The following DLGAP4 variants were observed in gnomAD, a reference collection of about 807,000 sequenced individuals.
The protein encoded by DLGAP4 is DLG associated protein 4.
In DLGAP4, 18 loss-of-function variants were observed where a neutral mutation model predicts 86.9. The ratio of observed to expected loss-of-function variants is 0.21; its 90% CI spans 0.14 to 0.31. DLGAP4 has a LOEUF of 0.31. Among genes scored for constraint, DLGAP4 ranks in the 10% least tolerant of loss-of-function variants. The pLI is 1.00. For synonymous variants in DLGAP4, 548 were observed against 574.3 expected, an observed-to-expected ratio of 0.95 and a Z score of 0.65; for missense variants, 1,085 against 1,362.6, an observed-to-expected ratio of 0.80 and a Z score of 3.21.
At chr20:36,426,825 A>G (rs555483336) in intron 2 of DLGAP4, among the ~76,000 whole-genome samples, 23 of 152,230 alleles carry the variant, frequency 1.5e-4, no homozygotes, top group Admixed American at 1.2e-3. Context: ...AGAAGCTGGG[A>G]AAAGGGGAAA....
intron 7 of DLGAP4, among the ~76,000 whole-genome samples, chr20:36,489,810 C>A (rs2035580318): frequency 6.6e-6 from 1 of 151,614 alleles, no homozygotes; most frequent in Non-Finnish European, 1.5e-5. Flanking sequence ...GCTGCCAGTC[C>A]CTCTTGCTGG....
At chr20:36,526,134 C>A in intron 12 of DLGAP4, 128 bp downstream of exon 12, 1 of 1,366,548 alleles carries the variant, frequency 7.3e-7, no homozygotes, top group Non-Finnish European at 1.0e-6. Flanking sequence ...GGTCTCACAT[C>A]CATCACTGCG....
chr20:36,464,745 G>A (rs2034263286), intron 7 of DLGAP4, among the ~76,000 whole-genome samples: 1 of 152,146 alleles, frequency 6.6e-6, no homozygotes, highest in Admixed American at 6.5e-5. Context: ...AGCTACTTGG[G>A]AGGCTGACGC....
intron 10 of DLGAP4, among the ~76,000 whole-genome samples, 186 bp from the exon 11 acceptor site, chr20:36,524,064 G>T (rs1178465833): frequency 6.6e-6 from 1 of 152,178 alleles, no homozygotes; most frequent in African/African-American, 2.4e-5. Context: ...GGATGGGGTT[G>T]GCTTTATATT....
intron 2 of DLGAP4, among the ~76,000 whole-genome samples, chr20:36,399,548 G>A (rs887496675): frequency 1.3e-5 from 2 of 152,354 alleles, no homozygotes; most frequent in South Asian, 4.1e-4. Context: ...CAGCACTGGG[G>A]AGCTATGGGT....
At chr20:36,361,574 G>A (rs2030521478) in intron 1 of DLGAP4, among the ~76,000 whole-genome samples, 1 of 152,168 alleles carries the variant, frequency 6.6e-6, no homozygotes, top group Admixed American at 6.5e-5. Flanking sequence ...ACCTAGGGAG[G>A]AAGCTGGTGC....
chr20:36,316,944 C>T (rs1453723554), intron 1 of DLGAP4, among the ~76,000 whole-genome samples: 1 of 152,206 alleles, frequency 6.6e-6, no homozygotes, highest in Non-Finnish European at 1.5e-5. Context: ...CCTACCAGGA[C>T]TGGCTTTTCA....
At chr20:36,396,476 TCA>T (rs1491291252) in intron 2 of DLGAP4, among the ~76,000 whole-genome samples, 1 of 9,912 alleles carries the variant, frequency 1.0e-4, no homozygotes, top group Non-Finnish European at 2.3e-4. Context: ...CACATACACA[TCA>T]CACACACCAC....
rs1331350315 is a variant in DLGAP4, at chr20:36,447,891, A to G, written c.1648+954A>G. 8.6e-4 allele frequency among the ~76,000 whole-genome samples: 6 copies of G among 6,938 alleles called. No individual in the cohort carries two copies. The East Asian group carries it at 0.024, about 28-fold the overall frequency. The allele number at this position is 6,938 out of a possible 152,430, so 4.6% of individuals were successfully genotyped here. On this transcript the variant is annotated intron_variant, in intron 7 of 12. Transcript: ENST00000339266. Reference sequence around the variant, plus strand: ...AGGGGAACATCACACACCAGGGCCTATCAGGGGGGTGGGGGGGGGGGAGAC... The same window carrying G: ...AGGGGAACATCACACACCAGGGCCTGTCAGGGGGGTGGGGGGGGGGGAGAC...
chr20:36,526,270 T>C (rs971598983), intron 12 of DLGAP4: 44 of 614,292 alleles, frequency 7.2e-5, no homozygotes, highest in Middle Eastern at 8.7e-4. Context: ...GCCCACAGCC[T>C]CAATCACGTT....
intron 7 of DLGAP4, among the ~76,000 whole-genome samples, chr20:36,475,103 A>C (rs949382125): frequency 7.9e-5 from 12 of 151,416 alleles, no homozygotes; most frequent in African/African-American, 2.9e-4. Flanking sequence ...GGAACAGGAG[A>C]GGTAGGGGTT....
chr20:36,512,931 C>CTT (rs57978491), intron 10 of DLGAP4, among the ~76,000 whole-genome samples: 820 of 23,534 alleles, frequency 0.035, 369 homozygotes, highest in Non-Finnish European at 0.054. Context: ...CTCAGAGGCC[C>CTT]TTTTTTTTTT....
intron 2 of DLGAP4, among the ~76,000 whole-genome samples, chr20:36,423,416 A>G (rs1178972437): frequency 7.4e-6 from 1 of 135,704 alleles, no homozygotes; most frequent in African/African-American, 2.8e-5. Flanking sequence ...AGATCACACT[A>G]CTGAACTCCA....
Position 36,487,650 on chromosome 20 carries a change from G to C in DLGAP4, c.1649-9055G>C, listed in dbSNP as rs1224019513. ...TCACAGAGGGTCCCTTCACCAGAAA[G>C]CTCTGTATTTCCTTGCCACTAAGCG... On this transcript the variant is annotated intron_variant, in intron 7 of 12. Coordinates refer to ENST00000339266, the MANE Select transcript of DLGAP4 (RefSeq NM_001365621.2). 2.0e-5 allele frequency among the ~76,000 whole-genome samples: 3 copies of C among 152,170 alleles called. No homozygotes were observed. The East Asian group carries it at 5.8e-4, about 29-fold the overall frequency.
At position 36,431,488 on chromosome 20, in the gene DLGAP4, G is replaced by C. The variant is rs2033128403; in HGVS notation, c.-72-158G>C. Among the ~76,000 whole-genome samples the C allele has an allele frequency of 6.6e-6, 1 of 152,132 alleles. No individual in the cohort carries two copies. The highest frequency in any genetic ancestry group is 2.4e-5 in the African/African-American group (1 of 41,410). ...GTTGTAACTTTTATTTATACACAGA[G>C]TACGTGGGCCTCGGTGTGTACTCCT... On this transcript the variant is annotated intron_variant, in intron 2 of 12. Coordinates refer to ENST00000339266, the MANE Select transcript of DLGAP4 (RefSeq NM_001365621.2). The surrounding 1 kb of genome is among the most constrained non-coding windows in gnomAD (Gnocchi z 5.1).
At chr20:36,340,646 C>T (rs1234420059) in intron 1 of DLGAP4, among the ~76,000 whole-genome samples, 1 of 152,194 alleles carries the variant, frequency 6.6e-6, no homozygotes, top group Admixed American at 6.5e-5. Context: ...CACCCCTGCC[C>T]ACCCTCTGGC....
chr20:36,449,164 T>C (rs560911325), intron 7 of DLGAP4, among the ~76,000 whole-genome samples: 18 of 152,258 alleles, frequency 1.2e-4, no homozygotes, highest in African/African-American at 1.7e-4. Context: ...CCCAGTGCCA[T>C]CTTTCCCAGC....
intron 1 of DLGAP4, among the ~76,000 whole-genome samples, chr20:36,307,411 T>TCATCCCTC (rs1195495864): frequency 6.4e-4 from 98 of 152,178 alleles, no homozygotes; most frequent in Admixed American, 1.8e-3. Flanking sequence ...CTCCATCCCT[T>TCATCCCTC]CATCCCTCCA....
chr20:36,500,183 CACCCCCT>C lies in DLGAP4; in HGVS notation c.2100-11_2100-5del, dbSNP rs1248585391. 1 of 1,508,272 alleles carries C rather than the reference CACCCCCT, an allele frequency of 6.6e-7. No homozygotes were observed. Among genetic ancestry groups the C allele is most frequent in the Admixed American group, 2.2e-5 (1 of 45,542 alleles). 93.4% of individuals were successfully genotyped at this position (1,508,272 alleles called of 1,614,324 possible). A position where few individuals can be genotyped will look rare whatever the true frequency, so the allele number is the denominator to read the frequency against. On this transcript the variant is annotated splice_polypyrimidine_tract_variant and intron_variant, in intron 9 of 12. Coordinates refer to ENST00000339266, the MANE Select transcript of DLGAP4 (RefSeq NM_001365621.2). This position sits in a 1 kb window ranked among gnomAD's most constrained non-coding sequence, Gnocchi z 4.6. Reference sequence around the variant, plus strand: ...CACTCCTTCCTGTCCCCACCCCATCCACCCCCTACCCACAGAAGCAGCGTCCCCTCTC... The same window carrying C: ...CACTCCTTCCTGTCCCCACCCCATCCACCCACAGAAGCAGCGTCCCCTCTC...
Sources: gnomAD v4.1 joint callset for allele counts (sites outside exome capture counted in the v4.1 genomes callset) on GRCh38, gnomAD v4.1.1 for gene constraint, Gnocchi (gnomAD v3.1) non-coding constraint, MANE v1.5 for transcripts, NCBI Gene and HGNC (gene_info 2026-07-23, HGNC 2026-07-21) for gene names.